Variants in PRRC2B observed in about 807,000 individuals in gnomAD.
PRRC2B encodes protein PRRC2B.
Under a neutral mutation model 242.3 loss-of-function variants are expected in PRRC2B, and 68 were observed. The ratio of observed to expected loss-of-function variants is 0.28; its 90% confidence interval spans 0.23 to 0.34. The LOEUF (loss-of-function observed/expected upper bound fraction) is 0.34. PRRC2B is among the 10% of genes least tolerant of loss of function. The pLI, the probability that PRRC2B is intolerant of heterozygous loss-of-function variation, is 1.00. For synonymous variants in PRRC2B, 1,228 were observed against 1,173.6 expected (o/e 1.05, Z -0.95); for missense variants, 2,835 against 2,954.8 (o/e 0.96, Z 0.94).
At chr9:131,390,430 C>T (rs1350106384), upstream of PRRC2B, among the ~76,000 whole-genome samples, 3 of 140,196 alleles carry the variant, frequency 2.1e-5, no homozygotes, top group Non-Finnish European at 4.6e-5. Flanking sequence ...GATGGCTGAG[C>T]TGGATTTGAA....
At chr9:131,376,502 C>T (rs908644067) in intron 1 of PRRC2B, among the ~76,000 whole-genome samples, 1 of 151,932 alleles carries the variant, frequency 6.6e-6, no homozygotes, top group Non-Finnish European at 1.5e-5. Flanking sequence ...CAGGGCACAC[C>T]ACTGGACTAC....
At chr9:131,402,022 G>A (rs924400522) in intron 1 of PRRC2B, among the ~76,000 whole-genome samples, 3 of 151,792 alleles carry the variant, frequency 2.0e-5, no homozygotes, top group Non-Finnish European at 4.4e-5. Flanking sequence ...CCAGGCTGGA[G>A]TGCAATGGCA....
At chr9:131,480,681 G>T (rs1588277314) in intron 19 of PRRC2B, among the ~76,000 whole-genome samples, 1 of 151,742 alleles carries the variant, frequency 6.6e-6, no homozygotes, top group Non-Finnish European at 1.5e-5. Flanking sequence ...GAACCCCTGG[G>T]TTCAAGCAAT....
At chr9:131,382,806 G>A (rs1265721502) in intron 1 of PRRC2B, among the ~76,000 whole-genome samples, 3 of 152,036 alleles carry the variant, frequency 2.0e-5, no homozygotes, top group Admixed American at 6.6e-5. Flanking sequence ...CACCACGCCC[G>A]GCTAATTTTT....
At chr9:131,470,052 G>A (rs1393088333) in intron 13 of PRRC2B, among the ~76,000 whole-genome samples, 2 of 152,138 alleles carry the variant, frequency 1.3e-5, no homozygotes, top group Admixed American at 6.5e-5. Flanking sequence ...GAAAATCTGC[G>A]TTTAGGGATG....
chr9:131,382,532 C>G lies in PRRC2B; in HGVS notation c.-56+8801C>G, dbSNP rs553450723. Among the ~76,000 whole-genome samples, 311 of 152,072 alleles carry G rather than the reference C, an allele frequency of 2.0e-3. 4 individuals are homozygous for G. Among genetic ancestry groups the G allele is most frequent in the Non-Finnish European group, 3.1e-3 (211 of 68,028 alleles). Reference sequence around the variant, plus strand: ...TTTTATCCTGTGTGTGTGTTCACTGCTAAGGCTCAGATGTCCCTCCCTGCT... The same window carrying G: ...TTTTATCCTGTGTGTGTGTTCACTGGTAAGGCTCAGATGTCCCTCCCTGCT... On this transcript the variant is annotated intron_variant, in intron 1 of 1. Transcript: ENST00000682525.
rs772582095 is a variant in PRRC2B at position 131,484,792 on chromosome 9, T to TA, written c.5565+4dup. 7 of 1,605,132 alleles carry TA rather than the reference T, an allele frequency of 4.4e-6. No homozygotes were observed. The African/African-American group carries it at 8.0e-5, about 18-fold the overall frequency. ...CCCACCGCCGACCTTACTCTGAAGG[T>TA]AACACCAGCCCTGAGCTGGGTGAGG... On this transcript the variant is annotated splice_region_variant and intron_variant, in intron 24 of 31. Transcript: ENST00000683519.
At chr9:131,420,822 G>A (rs556827992) in intron 1 of PRRC2B, among the ~76,000 whole-genome samples, 5 of 152,154 alleles carry the variant, frequency 3.3e-5, no homozygotes, top group African/African-American at 1.2e-4. Flanking sequence ...GGGAGCCTCT[G>A]CAAGCTGGAG....
intron 3 of PRRC2B, among the ~76,000 whole-genome samples, chr9:131,433,900 C>A (rs1028119976): frequency 2.0e-5 from 3 of 152,160 alleles, no homozygotes; most frequent in Non-Finnish European, 4.4e-5. Flanking sequence ...AAAATAGGGC[C>A]TTAGAAGTTA....
chr9:131,434,643 G>A (rs1452550976), intron 3 of PRRC2B, among the ~76,000 whole-genome samples: 1 of 152,236 alleles, frequency 6.6e-6, no homozygotes, highest in Non-Finnish European at 1.5e-5. Flanking sequence ...ATGGTGAGTT[G>A]CCTGGGTCAG....
chr9:131,445,066 G>C (rs1335869809), intron 6 of PRRC2B, among the ~76,000 whole-genome samples: 2 of 152,162 alleles, frequency 1.3e-5, no homozygotes, highest in Admixed American at 1.3e-4. Flanking sequence ...CAAGTCATAA[G>C]TGATGTCCTG....
chr9:131,424,148 C>T (rs1837921722), intron 1 of PRRC2B, among the ~76,000 whole-genome samples: 1 of 152,142 alleles, frequency 6.6e-6, no homozygotes, highest in Admixed American at 6.5e-5. Context: ...TACCATGTTG[C>T]TCAGGCTGGT....
chr9:131,459,466 TTTG>T, intron 11 of PRRC2B, 110 bp downstream of exon 11: 2 of 978,300 alleles, frequency 2.0e-6, no homozygotes, highest in Non-Finnish European at 1.5e-6. Flanking sequence ...TATTTCTTCT[TTTG>T]TTAAAATGTT....
intron 1 of PRRC2B, among the ~76,000 whole-genome samples, chr9:131,388,007 A>G (rs1433643081): frequency 6.7e-6 from 1 of 150,260 alleles, no homozygotes; most frequent in South Asian, 2.1e-4. Context: ...CTTGGCCAAC[A>G]TGGCAAAACC....
At position 131,474,462 on chromosome 9, in the gene PRRC2B, G is replaced by A. The variant is rs757225954; in HGVS notation, c.2333G>A (p.Ser778Asn). The A allele has an allele frequency of 3.1e-6, 5 of 1,602,096 alleles. No homozygotes were observed. The highest frequency in any genetic ancestry group is 4.3e-6 in the Non-Finnish European group (5 of 1,172,764). The part of the protein sequence containing the change: ...LAMDMRVRNE[S>N]SFSASLGRAG... ...TTCTGGTTCCTTTTCAGGAATGAAA[G>A]CTCTTTCTCTGCCTCACTCGGAAGG... The change falls in exon 16 of 32, where the codon AGC (serine) becomes AAC (asparagine). Residue 778 changes from serine (S) to asparagine (N), a missense_variant. This residue lies in a region of PRRC2B where 1,536 missense variants were observed against 1,483.1 expected (regional missense o/e 1.04). Transcript: ENST00000683519.
chr9:131,386,787 G>A (rs1836831535), intron 1 of PRRC2B, among the ~76,000 whole-genome samples: 1 of 149,568 alleles, frequency 6.7e-6, no homozygotes, highest in Non-Finnish European at 1.5e-5. Context: ...GGTTCTCTTA[G>A]AGGGACAGAA....
At chr9:131,468,087 T>G (rs751599834) in intron 13 of PRRC2B, among the ~76,000 whole-genome samples, 13 of 152,210 alleles carry the variant, frequency 8.5e-5, no homozygotes, top group Admixed American at 6.5e-5. Flanking sequence ...GCAGGCTGGT[T>G]GTTTTATTTC....
At chr9:131,456,460 T>A (rs1041666747) in intron 10 of PRRC2B, among the ~76,000 whole-genome samples, 4 of 151,648 alleles carry the variant, frequency 2.6e-5, no homozygotes, top group African/African-American at 9.7e-5. Flanking sequence ...TGAAACCCCG[T>A]CTCTACTAAA....
chr9:131,379,943 G>A (rs1836734232), intron 1 of PRRC2B, among the ~76,000 whole-genome samples: 1 of 148,900 alleles, frequency 6.7e-6, no homozygotes, highest in Admixed American at 6.7e-5. Flanking sequence ...TTTTTCAGTG[G>A]TTGTTTGCCT....
Sources: gnomAD v4.1 joint callset for allele counts (sites outside exome capture counted in the v4.1 genomes callset) on GRCh38, gnomAD v4.1.1 for gene constraint, gnomAD v4.1.1 regional missense constraint, MANE v1.5 for transcripts, NCBI Gene and HGNC (gene_info 2026-07-23, HGNC 2026-07-21) for gene names.